DENND2B: variants seen among roughly 807,000 people sequenced by gnomAD.
The protein encoded by DENND2B is DENN domain containing 2B, also known as DENN domain-containing protein 2B.
A neutral mutation model predicts 116.0 loss-of-function variants in DENND2B; 32 were observed. That is an observed-to-expected ratio of 0.28 (90% CI 0.21 to 0.37). The LOEUF (loss-of-function observed/expected upper bound fraction) is 0.37, where lower values mean the gene tolerates loss of function less well. Ranked by LOEUF, DENND2B falls within the 10% of genes least tolerant of loss-of-function variation. The pLI is 1.00. For synonymous variants in DENND2B, 588 were observed against 583.9 expected, an observed-to-expected ratio of 1.01 and a Z score of -0.10; for missense variants, 1,276 against 1,477.7, an observed-to-expected ratio of 0.86 and a Z score of 2.24.
Position 8,694,054 on chromosome 11 carries a change from C to T in DENND2B, c.*42G>A, listed in dbSNP as rs1387827709. 1.9e-6 allele frequency: 3 copies of T among 1,612,494 alleles called. No homozygotes were observed. Among genetic ancestry groups the T allele is most frequent in the Non-Finnish European group, 2.5e-6 (3 of 1,178,906 alleles). ...CAGGCTGGGCCTTCTCCCCAGGCTT[C>T]AGGCTCTGCAAGGCACTGGACTCTG... is the stretch of plus-strand genomic sequence containing the variant. On this transcript the variant is annotated 3_prime_UTR_variant, in exon 20 of 20. Transcript: ENST00000313726.
chr11:8,844,263 T>C (rs2062726364), intron 3 of DENND2B, among the ~76,000 whole-genome samples: 1 of 151,856 alleles, frequency 6.6e-6, no homozygotes, highest in Admixed American at 6.6e-5. Flanking sequence ...TAGCCAAGTG[T>C]GGTGGTGCAT....
chr11:8,740,481 T>G (rs1433872885), intron 2 of DENND2B, among the ~76,000 whole-genome samples: 4 of 152,154 alleles, frequency 2.6e-5, no homozygotes, highest in Non-Finnish European at 4.4e-5. Flanking sequence ...TTGATGAACT[T>G]GGCATGCTCC....
chr11:8,852,844 ACTTTGG>A (rs1318641160), intron 3 of DENND2B, among the ~76,000 whole-genome samples: 1 of 152,204 alleles, frequency 6.6e-6, no homozygotes, highest in Non-Finnish European at 1.5e-5. Context: ...GAGGGTCAAG[ACTTTGG>A]CTGGATTGGA....
rs35471687 is a variant in DENND2B, at chr11:8,737,914, AT to A, written c.81-6706del. 4.3e-3 allele frequency among the ~76,000 whole-genome samples: 620 copies of A among 144,898 alleles called. 2 individuals carry two copies. Among genetic ancestry groups the A allele is most frequent in the South Asian group, 0.022 (98 of 4,538 alleles). On this transcript the variant is annotated intron_variant, in intron 2 of 19. Coordinates refer to ENST00000313726, the MANE Select transcript of DENND2B (RefSeq NM_213618.2). ...AGGTTCATGCCACCAGGTCCAGCTA[AT>A]TTTTTTTTTTTTTTCACAGATGGGG...
rs764681483 is a variant in DENND2B at position 8,750,610 on chromosome 11, C to G, written c.80+11G>C. On this transcript the variant is annotated intron_variant, in intron 2 of 19. Transcript: ENST00000313726. ...CTTGATGCCACCTCCCACAAGTGCT[C>G]CCTTACCCACCTGCTCAGAGTCCCC... 6.2e-7 allele frequency: 1 copy of G among 1,613,438 alleles called. No homozygotes were observed. Among genetic ancestry groups the G allele is most frequent in the Non-Finnish European group, 8.5e-7 (1 of 1,179,420 alleles).
At chr11:8,793,989 AT>A (rs1459199934) in intron 1 of DENND2B, among the ~76,000 whole-genome samples, 3 of 152,152 alleles carry the variant, frequency 2.0e-5, no homozygotes, top group African/African-American at 7.2e-5. Context: ...TAAATAAAAA[AT>A]ATAAATAAAT....
intron 1 of DENND2B, among the ~76,000 whole-genome samples, chr11:8,797,475 C>T (rs2059928516): frequency 1.5e-5 from 2 of 131,934 alleles, no homozygotes; most frequent in Admixed American, 8.4e-5. Context: ...CCCTTTCTTC[C>T]CCTTCTTCCC....
At chr11:8,802,414 CA>C (rs1265347891) in intron 1 of DENND2B, among the ~76,000 whole-genome samples, 1 of 152,138 alleles carries the variant, frequency 6.6e-6, no homozygotes, top group African/African-American at 2.4e-5. Flanking sequence ...AGGCACTTTA[CA>C]TTTGGCATTT....
intron 3 of DENND2B, among the ~76,000 whole-genome samples, chr11:8,842,385 T>A (rs2062655374): frequency 6.6e-6 from 1 of 152,176 alleles, no homozygotes; most frequent in African/African-American, 2.4e-5. Context: ...AACATCTATT[T>A]AATGGTATAA....
At position 8,807,259 on chromosome 11, in the gene DENND2B, C is replaced by T. The variant is rs142376238; in HGVS notation, c.-26+3258G>A. ...GTGACAGGAAGGAAGATGTATTCTT[C>T]AATCCTTCAGTCCCAACTGCCCCAC... On this transcript the variant is annotated intron_variant, in intron 1 of 19. Coordinates refer to ENST00000313726, the MANE Select transcript of DENND2B (RefSeq NM_213618.2). 1.1e-3 allele frequency among the ~76,000 whole-genome samples: 161 copies of T among 152,330 alleles called. 1 individual carries two copies. Among genetic ancestry groups the T allele is most frequent in the African/African-American group, 3.7e-3 (152 of 41,562 alleles).
In DENND2B at chr11:8,707,105, G is replaced by A; in HGVS notation, c.2551C>T (p.Leu851=). 6.2e-7 allele frequency: 1 copy of A among 1,613,468 alleles called. No homozygotes were observed. The highest frequency in any genetic ancestry group is 8.5e-7 in the Non-Finnish European group (1 of 1,179,664). The change falls in exon 13 of 20, where the codon CTG becomes TTG. Residue 851 remains leucine (L), a synonymous_variant. Coordinates refer to ENST00000313726, the MANE Select transcript of DENND2B (RefSeq NM_213618.2). The surrounding 1 kb of genome is among the most constrained non-coding windows in gnomAD (Gnocchi z 4.8). ...CCTACCTCATTGCCAGCACCTGGCA[G>A]GAATGTCTTCACTTTGATGGTCTTC... ...PGKTIKVKTF[L]PGAGNEVLEL...
intron 1 of DENND2B, chr11:8,776,288 C>G: frequency 4.4e-6 from 2 of 452,934 alleles, no homozygotes; most frequent in South Asian, 3.1e-5. Context: ...CTGGAGTGCT[C>G]TCCTTCTTCC....
chr11:8,771,182 G>A (rs566935321), intron 1 of DENND2B, among the ~76,000 whole-genome samples: 4 of 152,266 alleles, frequency 2.6e-5, no homozygotes, highest in Admixed American at 2.0e-4. Flanking sequence ...GCACAAAGAC[G>A]CCAGAAAGTA....
chr11:8,718,060 C>T, intron 4 of DENND2B, 168 bp from the exon 5 acceptor site: 1 of 655,526 alleles, frequency 1.5e-6, no homozygotes, highest in South Asian at 1.9e-5. Flanking sequence ...GGGGAGGCTA[C>T]AAACAGATCC....
chr11:8,790,595 C>T (rs902450544), intron 1 of DENND2B, among the ~76,000 whole-genome samples: 1 of 152,066 alleles, frequency 6.6e-6, no homozygotes, highest in African/African-American at 2.4e-5. Flanking sequence ...ACGGCAAGGC[C>T]CCATCTCTAC....
intron 3 of DENND2B, among the ~76,000 whole-genome samples, chr11:8,842,660 T>C (rs1299305207): frequency 2.0e-5 from 3 of 152,178 alleles, no homozygotes; most frequent in African/African-American, 7.2e-5. Context: ...AAAATTGTCA[T>C]AAATATTTTT....
Position 8,750,648 on chromosome 11 carries a change from G to C in DENND2B, c.53C>G (p.Thr18Ser). The change falls in exon 2 of 20, where the codon ACT (threonine) becomes AGT (serine). Residue 18 changes from threonine to serine, a missense_variant. This residue lies in a region of DENND2B where 856 missense variants were observed against 846.6 expected (regional missense o/e 1.01). Transcript: ENST00000313726. The stretch of plus-strand genomic sequence containing the variant: ...GCTCAGAGTCCCCCGAGGGGCTTTA[G>C]TGCCACCAGCTCCGTGGGTGATGCT... ...NSSITHGAGG[T>S]KAPRGTLSRS... The C allele has an allele frequency of 4.3e-6, 7 of 1,614,130 alleles. No individual in the cohort carries two copies. The South Asian group carries it at 6.6e-5, about 15-fold the overall frequency.
At chr11:8,766,343 G>A (rs1402386615) in intron 1 of DENND2B, among the ~76,000 whole-genome samples, 3 of 152,118 alleles carry the variant, frequency 2.0e-5, no homozygotes, top group Non-Finnish European at 4.4e-5. Flanking sequence ...CCTCAGCCCA[G>A]GCGCCTGCAC....
intron 1 of DENND2B, among the ~76,000 whole-genome samples, chr11:8,777,287 G>T (rs1364192138): frequency 6.6e-6 from 1 of 152,146 alleles, no homozygotes. Flanking sequence ...CGGTAAAAAA[G>T]AGATCCTAAG....
Sources: allele counts gnomAD v4.1 joint callset (sites outside exome capture counted in the v4.1 genomes callset), GRCh38; gene constraint gnomAD v4.1.1; regional missense constraint gnomAD v4.1.1; non-coding constraint Gnocchi (gnomAD v3.1); transcripts MANE v1.5; gene names NCBI Gene and HGNC (gene_info 2026-07-23, HGNC 2026-07-21).